Variants in CXCL11 observed in about 807,000 individuals in gnomAD.
CXCL11 encodes C-X-C motif chemokine 11.
Under a neutral mutation model 9.7 loss-of-function variants are expected in CXCL11, and 7 were observed. The ratio of observed to expected loss-of-function variants is 0.72; its 90% CI spans 0.41 to 1.36. The LOEUF (loss-of-function observed/expected upper bound fraction) is 1.36. CXCL11 is among the 40% of genes most tolerant of loss of function. The pLI, the probability that CXCL11 is intolerant of heterozygous loss-of-function variation, is 0.01. For synonymous variants in CXCL11, 35 were observed against 34.4 expected (o/e 1.02, Z -0.06); for missense variants, 107 against 113.4 (o/e 0.94, Z 0.26).
rs2149402689 is a variant in CXCL11, at chr4:76,033,954, T to A, written c.*839A>T. 6.5e-6 allele frequency: 1 copy of A among 152,754 alleles called. No individual in the cohort carries two copies. Among genetic ancestry groups the A allele is most frequent in the African/African-American group, 2.4e-5 (1 of 41,584 alleles). 9.5% of individuals were successfully genotyped at this position (152,754 alleles called of 1,614,324 possible). ...TATTGCTATCATTTATACAAACGGA[T>A]CAAAACAAAAAGTACAGTAAACACA... is the stretch of plus-strand genomic sequence containing the variant. On this transcript the variant is annotated 3_prime_UTR_variant, in exon 4 of 4. Transcript: ENST00000306621.
At chr4:76,035,162 T>C in intron 2 of CXCL11, 43 bp from the exon 3 acceptor site, 1 of 1,613,058 alleles carries the variant, frequency 6.2e-7, no homozygotes, top group Non-Finnish European at 8.5e-7. Flanking sequence ...TAGATGCAAA[T>C]ACATAAACAA....
chr4:76,034,723 G>T lies in CXCL11; in HGVS notation c.*70C>A, dbSNP rs746384125. The T allele has an allele frequency of 2.5e-5, 28 of 1,118,622 alleles. No homozygotes were observed. The highest frequency in any genetic ancestry group is 3.4e-5 in the Non-Finnish European group (26 of 754,626). The allele number at this position is 1,118,622 out of a possible 1,614,324, so 69.3% of individuals were successfully genotyped here. The stretch of plus-strand genomic sequence containing the variant: ...CTACTGTAGAATTCTTGTCATTTCA[G>T]TAGTCACAGTTAAACTTGTTCTAGG... On this transcript the variant is annotated 3_prime_UTR_variant, in exon 4 of 4. Transcript: ENST00000306621.
chr4:76,036,026 A>C lies in CXCL11; in HGVS notation c.-39T>G. The C allele has an allele frequency of 6.3e-7, 1 of 1,595,190 alleles. No homozygotes were observed. The highest frequency in any genetic ancestry group is 1.3e-5 in the African/African-American group (1 of 74,662). On this transcript the variant is annotated 5_prime_UTR_variant, in exon 1 of 4. Transcript: ENST00000306621. ...TGTTGCTGCTGGTGCTGCTGCTGCT[A>C]CTTCAGCTTTGCTGCTCTTCTTGGA... is the stretch of plus-strand genomic sequence containing the variant.
chr4:76,035,654 ATCT>A (rs1734322291), intron 1 of CXCL11, among the ~76,000 whole-genome samples: 1 of 152,358 alleles, frequency 6.6e-6, no homozygotes, highest in East Asian at 1.9e-4. Flanking sequence ...GCTATATAAA[ATCT>A]TCTTAACAGA....
Position 76,035,086 on chromosome 4 carries a change from GC to G in CXCL11, c.221del (p.Cys74SerfsTer2). 6.2e-7 allele frequency: 1 copy of G among 1,613,770 alleles called. No homozygotes were observed. The highest frequency in any genetic ancestry group is 8.5e-7 in the Non-Finnish European group (1 of 1,179,798). On this transcript the variant is annotated frameshift_variant, in exon 3 of 4. Transcript: ENST00000306621. LOFTEE classifies it high-confidence loss of function. ...ITLKENKGQRCLNPKSKQARL... is the reference protein window; with the variant it reads ...ITLKENKGQRXLNPKSKQARL... The stretch of plus-strand genomic sequence containing the variant: ...TTGCTTGCTTCGATTTGGGATTTAG[GC>G]ATCGTTGTCCTTTATTTTCTTTCAG...
intron 1 of CXCL11, 46 bp downstream of exon 1, chr4:76,035,881 A>G (rs1450702132): frequency 6.6e-7 from 1 of 1,524,892 alleles, no homozygotes; most frequent in African/African-American, 1.4e-5. Flanking sequence ...CATTTGAAAC[A>G]TTAGAAAAGG....
rs768869535 is a variant in CXCL11, at chr4:76,035,119, A to G, written c.189T>C (p.Ile63=). The G allele has an allele frequency of 1.3e-5, 20 of 1,583,360 alleles. No homozygotes were observed. Among genetic ancestry groups the G allele is most frequent in the Non-Finnish European group, 1.7e-6 (2 of 1,171,436 alleles). The change falls in exon 3 of 4, where the codon ATT becomes ATC. Residue 63 remains isoleucine (I), a splice_region_variant and synonymous_variant. Coordinates refer to ENST00000306621, the MANE Select transcript of CXCL11 (RefSeq NM_005409.5). ...PSNNCDKIEV[I]ITLKENKGQR... ...GTCCTTTATTTTCTTTCAGGGTAAT[A>G]CTGTTAAAAGAACATACAAGAGTCT...
chr4:76,036,053 G>T lies in CXCL11; in HGVS notation c.-66C>A. 6.8e-7 allele frequency: 1 copy of T among 1,468,404 alleles called. No individual in the cohort carries two copies. Among genetic ancestry groups the T allele is most frequent in the Non-Finnish European group, 9.5e-7 (1 of 1,052,556 alleles). The allele number at this position is 1,468,404 out of a possible 1,614,324, so 91.0% of individuals were successfully genotyped here. ...TTCAGCTTTGCTGCTCTTCTTGGAA[G>T]GAGTAGAAATGCTGAACATGAAAGG... is the stretch of plus-strand genomic sequence containing the variant. On this transcript the variant is annotated 5_prime_UTR_variant, in exon 1 of 4. Coordinates refer to ENST00000306621, the MANE Select transcript of CXCL11 (RefSeq NM_005409.5).
rs1406249132 is a variant in CXCL11, at chr4:76,034,337, A to G, written c.*456T>C. ...GTCTCCACCGTAACCACAGATAGTAATATAGCATAAAGATCAATACAGACA... is the reference window on the plus strand; with the variant it reads ...GTCTCCACCGTAACCACAGATAGTAGTATAGCATAAAGATCAATACAGACA... On this transcript the variant is annotated 3_prime_UTR_variant, in exon 4 of 4. Transcript: ENST00000306621. The G allele has an allele frequency of 5.0e-6, 2 of 403,802 alleles. No homozygotes were observed. Among genetic ancestry groups the G allele is most frequent in the African/African-American group, 2.1e-5 (1 of 48,658 alleles). The allele number at this position is 403,802 out of a possible 1,614,324, so 25.0% of individuals were successfully genotyped here.
At chr4:76,035,373 G>A in intron 1 of CXCL11, 31 bp from the exon 2 acceptor site, 1 of 1,608,350 alleles carries the variant, frequency 6.2e-7, no homozygotes. Context: ...AGTTAGTAAT[G>A]CATCTGATTG....
intron 2 of CXCL11, 36 bp downstream of exon 2, chr4:76,035,180 T>C (rs1203250345): frequency 6.2e-7 from 1 of 1,613,874 alleles, no homozygotes; most frequent in Admixed American, 1.7e-5. Context: ...CAAAAAAGCC[T>C]GCACCATTGT....
rs144900973 is a variant in CXCL11, at chr4:76,034,349, G to C, written c.*444C>G. The C allele has an allele frequency of 4.9e-6, 2 of 412,252 alleles. No individual in the cohort carries two copies. The highest frequency in any genetic ancestry group is 4.2e-6 in the Non-Finnish European group (1 of 236,518). 25.5% of individuals were successfully genotyped at this position (412,252 alleles called of 1,614,324 possible). The stretch of plus-strand genomic sequence containing the variant: ...ACCACAGATAGTAATATAGCATAAA[G>C]ATCAATACAGACAGATGACTTCTAG... On this transcript the variant is annotated 3_prime_UTR_variant, in exon 4 of 4. Coordinates refer to ENST00000306621, the MANE Select transcript of CXCL11 (RefSeq NM_005409.5).
intron 3 of CXCL11, 105 bp from the exon 4 acceptor site, chr4:76,034,921 C>G (rs1734214554): frequency 2.2e-6 from 3 of 1,346,078 alleles, no homozygotes; most frequent in Non-Finnish European, 3.2e-6. Context: ...ACCAAGGACC[C>G]CTTAACAGAA....
rs1734086388 is a variant in CXCL11 at position 76,033,753 on chromosome 4, G to A, written c.*1040C>T. On this transcript the variant is annotated 3_prime_UTR_variant, in exon 4 of 4. Coordinates refer to ENST00000306621, the MANE Select transcript of CXCL11 (RefSeq NM_005409.5). ...GACTTTGATTCTTTAAACTAGTCTT[G>A]AGTATACCTAAATTTTACAGTATAT... The A allele has an allele frequency of 6.6e-6, 1 of 152,096 alleles. No individual in the cohort carries two copies. The highest frequency in any genetic ancestry group is 1.5e-5 in the Non-Finnish European group (1 of 68,024). 9.4% of individuals were successfully genotyped at this position (152,096 alleles called of 1,614,324 possible). A position where few individuals can be genotyped will look rare whatever the true frequency, so the allele number is the denominator to read the frequency against.
chr4:76,035,474 A>C, intron 1 of CXCL11, 132 bp from the exon 2 acceptor site: 1 of 837,188 alleles, frequency 1.2e-6, no homozygotes, highest in Non-Finnish European at 1.8e-6. Flanking sequence ...AGCACTTAAC[A>C]CAACTGTTAC....
In CXCL11 at chr4:76,034,353, A is replaced by G; in HGVS notation, c.*440T>C. On this transcript the variant is annotated 3_prime_UTR_variant, in exon 4 of 4. Coordinates refer to ENST00000306621, the MANE Select transcript of CXCL11 (RefSeq NM_005409.5). ...CAGATAGTAATATAGCATAAAGATC[A>G]ATACAGACAGATGACTTCTAGAGAC... 2.4e-6 allele frequency: 1 copy of G among 416,010 alleles called. No individual in the cohort carries two copies. Among genetic ancestry groups the G allele is most frequent in the Non-Finnish European group, 4.2e-6 (1 of 239,046 alleles). The allele number at this position is 416,010 out of a possible 1,614,324, so 25.8% of individuals were successfully genotyped here.
In CXCL11 at chr4:76,034,587, A is replaced by G. The variant is rs1734174486; in HGVS notation, c.*206T>C. ...TTTGGGCAGTGGAATTCTGATTGTC[A>G]TTCATTCAGGAAGACTGTATTTCTG... On this transcript the variant is annotated 3_prime_UTR_variant, in exon 4 of 4. Coordinates refer to ENST00000306621, the MANE Select transcript of CXCL11 (RefSeq NM_005409.5). 1 of 587,150 alleles carries G rather than the reference A, an allele frequency of 1.7e-6. No homozygotes were observed. The highest frequency in any genetic ancestry group is 3.0e-6 in the Non-Finnish European group (1 of 337,964). The allele number at this position is 587,150 out of a possible 1,614,324, so 36.4% of individuals were successfully genotyped here.
intron 1 of CXCL11, among the ~76,000 whole-genome samples, chr4:76,035,562 G>T (rs912096852): frequency 2.6e-5 from 4 of 152,216 alleles, no homozygotes; most frequent in African/African-American, 9.7e-5. Context: ...GAAGCATGAA[G>T]GAAGTTTATT....
chr4:76,035,821 G>T, intron 1 of CXCL11, 106 bp downstream of exon 1: 1 of 1,003,822 alleles, frequency 1.0e-6, no homozygotes, highest in Non-Finnish European at 1.5e-6. Flanking sequence ...TAATCTGTGA[G>T]ATTAAATAAA....
Sources: gnomAD v4.1 joint callset for allele counts (sites outside exome capture counted in the v4.1 genomes callset) on GRCh38, gnomAD v4.1.1 for gene constraint, MANE v1.5 for transcripts, NCBI Gene and HGNC (gene_info 2026-07-23, HGNC 2026-07-21) for gene names.